Variants in CCNH observed in about 807,000 individuals in gnomAD.
CCNH encodes the protein cyclin H, also known as cyclin-H.
Under a neutral mutation model 41.9 loss-of-function variants are expected in CCNH, and 31 were observed. The ratio of observed to expected loss-of-function variants is 0.74; its 90% confidence interval spans 0.56 to 1.00. CCNH has a LOEUF of 1.00. CCNH is among the 50% of genes least tolerant of loss of function. CCNH has a pLI of 0.00. For synonymous variants in CCNH, 138 were observed against 136.1 expected (o/e 1.01, Z -0.10); for missense variants, 362 against 388.4 (o/e 0.93, Z 0.57).
chr5:87,374,292 C>A (rs983086885), downstream of CCNH: 1 of 1,605,522 alleles, frequency 6.2e-7, no homozygotes, highest in East Asian at 2.2e-5. Context: ...AGGGCAAAAC[C>A]CAGTATGGTC....
downstream of CCNH, chr5:87,393,893 A>G (rs1386666826): frequency 1.3e-5 from 2 of 152,272 alleles, no homozygotes; most frequent in Admixed American, 1.3e-4. Context: ...ATTCAAAATC[A>G]TATATCTGGT....
chr5:87,389,053 A>ATATT (rs1439824400), downstream of CCNH, among the ~76,000 whole-genome samples: 1 of 152,172 alleles, frequency 6.6e-6, no homozygotes, highest in Non-Finnish European at 1.5e-5. Flanking sequence ...TTAATACTGA[A>ATATT]TATTATATTT....
chr5:87,394,864 G>A, intron 8 of CCNH, 180 bp downstream of exon 8: 1 of 1,392,308 alleles, frequency 7.2e-7, no homozygotes, highest in Non-Finnish European at 9.3e-7. Context: ...AATAAAGACA[G>A]AAGAGAGAAA....
chr5:87,376,429 G>A (rs1326128440), exon 1 of CCNH: 1 of 1,613,906 alleles, frequency 6.2e-7, no homozygotes, highest in Non-Finnish European at 8.5e-7. Flanking sequence ...TTACAGAAAG[G>A]GCATGCCACA....
intron 9 of CCNH, among the ~76,000 whole-genome samples, chr5:87,361,639 C>T (rs553266175): frequency 2.0e-5 from 3 of 152,090 alleles, no homozygotes; most frequent in African/African-American, 7.2e-5. Context: ...TGATATAATT[C>T]TTTTCCTCAG....
chr5:87,314,833 T>G (rs992396709), downstream of CCNH, among the ~76,000 whole-genome samples: 8 of 152,216 alleles, frequency 5.3e-5, no homozygotes, highest in African/African-American at 1.9e-4. Context: ...TCTTTAAGGT[T>G]GATGGGAGAG....
chr5:87,338,944 A>C (rs1291897375), intron 9 of CCNH, among the ~76,000 whole-genome samples: 3 of 152,032 alleles, frequency 2.0e-5, no homozygotes, highest in African/African-American at 7.2e-5. Context: ...GTGCATTTTT[A>C]ATAACAGGTC....
At chr5:87,344,439 G>A (rs1206905193) in intron 9 of CCNH, among the ~76,000 whole-genome samples, 55 of 151,906 alleles carry the variant, frequency 3.6e-4, no homozygotes, top group East Asian at 1.9e-4. Flanking sequence ...TTATTTTGTC[G>A]TTTACTACTC....
intron 9 of CCNH, among the ~76,000 whole-genome samples, chr5:87,334,109 C>T (rs950101724): frequency 2.0e-5 from 3 of 151,856 alleles, no homozygotes; most frequent in Admixed American, 6.6e-5. Context: ...GATTTTTTTA[C>T]GGAGAATAGG....
downstream of CCNH, chr5:87,392,236 T>G (rs1762577901): frequency 8.8e-6 from 4 of 456,438 alleles, no homozygotes; most frequent in Admixed American, 9.4e-5. Context: ...AGAGCAACAC[T>G]TTATGCTATT....
At chr5:87,332,781 CAG>C (rs1680380037) in intron 9 of CCNH, 2 of 870,308 alleles carry the variant, frequency 2.3e-6, no homozygotes, top group African/African-American at 3.5e-5. Context: ...GTTATAATGT[CAG>C]AACAAAATGG....
chr5:87,405,555 CA>C lies in CCNH; in HGVS notation c.526-549del, dbSNP rs948387008. Among the ~76,000 whole-genome samples the C allele has an allele frequency of 2.6e-5, 4 of 152,168 alleles. No homozygotes were observed. In the South Asian group the frequency reaches 6.2e-4, roughly 24 times the overall value. ...AGATATCCATATGCAACACCTAAAG[CA>C]CTAAGAAAGCTTTTCTACACTCTGA... On this transcript the variant is annotated intron_variant, in intron 4 of 8. Coordinates refer to ENST00000256897, the MANE Select transcript of CCNH (RefSeq NM_001239.4).
chr5:87,332,714 A>G (rs1448042824), intron 9 of CCNH: 2 of 1,400,592 alleles, frequency 1.4e-6, no homozygotes, highest in East Asian at 2.3e-5. Flanking sequence ...GCTATTGCTC[A>G]GTTTCTTATG....
At chr5:87,374,531 G>GTTA (rs958148689), downstream of CCNH, among the ~76,000 whole-genome samples, 1 of 139,896 alleles carries the variant, frequency 7.1e-6, no homozygotes, top group African/African-American at 2.7e-5. Flanking sequence ...TTTCCACTTA[G>GTTA]TTATTAACAT....
downstream of CCNH, among the ~76,000 whole-genome samples, chr5:87,388,592 T>G (rs976259024): frequency 2.0e-5 from 3 of 152,316 alleles, no homozygotes; most frequent in East Asian, 5.8e-4. Context: ...ATTCAACCTA[T>G]ACTATAAACT....
At chr5:87,364,050 A>AT (rs1204241605) in intron 9 of CCNH, among the ~76,000 whole-genome samples, 7 of 152,092 alleles carry the variant, frequency 4.6e-5, no homozygotes, top group South Asian at 4.1e-4. Flanking sequence ...TTACATCTAG[A>AT]TTTTTTTCTC....
downstream of CCNH, among the ~76,000 whole-genome samples, chr5:87,315,446 G>A (rs1303251885): frequency 2.0e-5 from 3 of 152,106 alleles, no homozygotes; most frequent in Non-Finnish European, 4.4e-5. Flanking sequence ...CCTCACAAAG[G>A]TAGGCCTCAC....
At chr5:87,395,998 C>T (rs1762928011) in intron 7 of CCNH, among the ~76,000 whole-genome samples, 1 of 151,938 alleles carries the variant, frequency 6.6e-6, no homozygotes, top group Admixed American at 6.6e-5. Flanking sequence ...CCTTCTGTAT[C>T]CTGTGGGTTC....
At position 87,399,453 on chromosome 5, in the gene CCNH, A is replaced by G. The variant is rs1363391854; in HGVS notation, c.813T>C (p.Ala271=). The G allele has an allele frequency of 3.7e-6, 6 of 1,613,914 alleles. No homozygotes were observed. The African/African-American group carries it at 4.0e-5, about 11-fold the overall frequency. The change falls in exon 7 of 9, where the codon GCT becomes GCC. Residue 271 remains alanine (A), a synonymous_variant. Transcript: ENST00000256897. ...KYEPPRSEEV[A]VLKQKLERCH... is the part of the protein sequence containing the mutation. Reference sequence around the variant, plus strand: ...ATCGCTCCAACTTCTGTTTCAGAACAGCAACTTCTTCAGATCTGGGTGGTT... The same window carrying G: ...ATCGCTCCAACTTCTGTTTCAGAACGGCAACTTCTTCAGATCTGGGTGGTT...
Sources: allele counts gnomAD v4.1 joint callset (sites outside exome capture counted in the v4.1 genomes callset), GRCh38; gene constraint gnomAD v4.1.1; transcripts MANE v1.5; gene names NCBI Gene and HGNC (gene_info 2026-07-23, HGNC 2026-07-21).